Variants in TCERG1L observed in about 807,000 individuals in gnomAD.
TCERG1L encodes transcription elongation regulator 1-like protein.
In TCERG1L, 37 loss-of-function variants were observed where a neutral mutation model predicts 56.3. That is an observed-to-expected ratio of 0.66 (90% CI 0.51 to 0.87). TCERG1L has a LOEUF of 0.87. Ranked by LOEUF, TCERG1L falls within the 40% of genes least tolerant of loss-of-function variation. The probability of loss-of-function intolerance (pLI) is 0.00; values close to 1 mark genes in which losing one functional copy is unlikely to be tolerated. For missense variants in TCERG1L, 799 were observed against 774.2 expected (o/e 1.03, Z -0.38); for synonymous variants, 324 against 326.3 (o/e 0.99, Z 0.08).
Position 131,311,256 on chromosome 10 carries a change from A to G in TCERG1L, c.342+38T>C. 1 of 1,106,694 alleles carries G rather than the reference A, an allele frequency of 9.0e-7. No individual in the cohort carries two copies. The highest frequency in any genetic ancestry group is 4.4e-5 in the South Asian group (1 of 22,804). 68.6% of individuals were successfully genotyped at this position (1,106,694 alleles called of 1,614,324 possible). A position where few individuals can be genotyped will look rare whatever the true frequency, so the allele number is the denominator to read the frequency against. Reference sequence around the variant, plus strand: ...CAGGGCGCGCCCAGGAGCAGGGGAGACGGCGACCCGGGCCGAGGCGGGACG... The same window carrying G: ...CAGGGCGCGCCCAGGAGCAGGGGAGGCGGCGACCCGGGCCGAGGCGGGACG... On this transcript the variant is annotated intron_variant, in intron 1 of 11. Transcript: ENST00000368642. The surrounding 1 kb of genome is among the most constrained non-coding windows in gnomAD (Gnocchi z 4.0).
chr10:131,206,192 G>A (rs1472874217), intron 4 of TCERG1L, among the ~76,000 whole-genome samples: 2 of 152,220 alleles, frequency 1.3e-5, no homozygotes, highest in African/African-American at 4.8e-5. Context: ...TCGGGTGTAC[G>A]CCAAGGTCCG....
intron 3 of TCERG1L, among the ~76,000 whole-genome samples, chr10:131,268,409 G>C (rs778294094): frequency 7.2e-5 from 11 of 152,156 alleles, no homozygotes; most frequent in Non-Finnish European, 1.3e-4. Flanking sequence ...ATTTAGCATC[G>C]TTCTTGAGGG....
intron 2 of TCERG1L, among the ~76,000 whole-genome samples, chr10:131,308,869 G>T (rs1180391341): frequency 1.3e-5 from 2 of 151,946 alleles, no homozygotes; most frequent in African/African-American, 4.8e-5. Context: ...TTTGATCAAT[G>T]GATACAAATT....
Position 131,166,884 on chromosome 10 carries a change from A to G in TCERG1L, c.858T>C (p.Asp286=), listed in dbSNP as rs1461047633. 1 of 1,610,356 alleles carries G rather than the reference A, an allele frequency of 6.2e-7. No individual in the cohort carries two copies. The highest frequency in any genetic ancestry group is 1.1e-5 in the South Asian group (1 of 90,760). Residue 286 remains aspartate (D), a splice_region_variant and synonymous_variant, in exon 5 of 12, where the codon GAT becomes GAC. Transcript: ENST00000368642. ...KIPLRTSPVS[D]TRTERGRVAR... ...CCACTCGGCCCCGCTCTGTCCTTGTATCTGTTGGGCCAAAGCAGTTGTCAT... is the reference window on the plus strand; with the variant it reads ...CCACTCGGCCCCGCTCTGTCCTTGTGTCTGTTGGGCCAAAGCAGTTGTCAT...
At chr10:131,222,610 C>G (rs1845745862) in intron 4 of TCERG1L, among the ~76,000 whole-genome samples, 1 of 152,216 alleles carries the variant, frequency 6.6e-6, no homozygotes, top group African/African-American at 2.4e-5. Context: ...CACCAAGGCT[C>G]CCTGAACTGG....
Position 131,311,118 on chromosome 10 carries a change from A to C in TCERG1L, c.342+176T>G, listed in dbSNP as rs1225417673. 6.6e-6 allele frequency among the ~76,000 whole-genome samples: 1 copy of C among 152,114 alleles called. No individual in the cohort carries two copies. The highest frequency in any genetic ancestry group is 1.5e-5 in the Non-Finnish European group (1 of 68,012). On this transcript the variant is annotated intron_variant, in intron 1 of 11. Transcript: ENST00000368642. This position sits in a 1 kb window ranked among gnomAD's most constrained non-coding sequence, Gnocchi z 4.0. ...TGCGGAGGTGGACGACCGGGCGTCCAAGCACGAACTTTCTCGCCGAGGCAC... is the reference window on the plus strand; with the variant it reads ...TGCGGAGGTGGACGACCGGGCGTCCCAGCACGAACTTTCTCGCCGAGGCAC...
At chr10:131,203,541 C>T (rs561007306) in intron 4 of TCERG1L, among the ~76,000 whole-genome samples, 30 of 152,308 alleles carry the variant, frequency 2.0e-4, no homozygotes, top group Admixed American at 5.9e-4. Context: ...CATGGGAAAA[C>T]GCCCCCGTCA....
intron 4 of TCERG1L, among the ~76,000 whole-genome samples, chr10:131,207,834 G>A (rs74160870): frequency 2.8e-3 from 432 of 152,282 alleles, no homozygotes; most frequent in African/African-American, 9.2e-3. Context: ...CACCGAGTGG[G>A]TCTTAGGAGG....
chr10:131,268,373 C>T (rs1180455159), intron 3 of TCERG1L, among the ~76,000 whole-genome samples: 1 of 152,206 alleles, frequency 6.6e-6, no homozygotes, highest in Admixed American at 6.5e-5. Flanking sequence ...CTTTGCTGTT[C>T]CATTTATAGC....
chr10:131,245,410 ATTTTT>A (rs5789077), intron 4 of TCERG1L, among the ~76,000 whole-genome samples: 7 of 151,514 alleles, frequency 4.6e-5, no homozygotes, highest in African/African-American at 1.2e-4. Flanking sequence ...TAAAATAATA[ATTTTT>A]TTTTTAAAAA....
At chr10:131,128,740 G>A (rs1054384957) in intron 8 of TCERG1L, among the ~76,000 whole-genome samples, 1 of 152,170 alleles carries the variant, frequency 6.6e-6, no homozygotes, top group Non-Finnish European at 1.5e-5. Flanking sequence ...TAAAATGGCA[G>A]AATTAAGAGA....
chr10:131,196,670 C>T (rs1009904613), intron 4 of TCERG1L, among the ~76,000 whole-genome samples: 6 of 152,322 alleles, frequency 3.9e-5, no homozygotes, highest in African/African-American at 4.8e-5. Context: ...CCTGGGGCTG[C>T]GGCCCAGAGT....
intron 4 of TCERG1L, among the ~76,000 whole-genome samples, chr10:131,214,390 C>A (rs1272242050): frequency 6.6e-6 from 1 of 152,222 alleles, no homozygotes; most frequent in Non-Finnish European, 1.5e-5. Flanking sequence ...CTCAGCCACT[C>A]TCACAGCCGT....
At chr10:131,094,043 G>A (rs532444707) in intron 11 of TCERG1L, among the ~76,000 whole-genome samples, 29 of 152,350 alleles carry the variant, frequency 1.9e-4, no homozygotes, top group Admixed American at 9.1e-4. Context: ...AAATGCGAGC[G>A]ACCCAGCCTA....
At chr10:131,257,326 C>T (rs561599591) in intron 4 of TCERG1L, among the ~76,000 whole-genome samples, 14 of 152,304 alleles carry the variant, frequency 9.2e-5, no homozygotes, top group South Asian at 4.2e-4. Flanking sequence ...CCAGCCTTCC[C>T]GCCCGTGCTG....
intron 4 of TCERG1L, among the ~76,000 whole-genome samples, chr10:131,257,228 G>T (rs1239460268): frequency 6.6e-6 from 1 of 152,068 alleles, no homozygotes; most frequent in Non-Finnish European, 1.5e-5. Flanking sequence ...CCCACTGCCT[G>T]GGAGGGGCCA....
intron 3 of TCERG1L, among the ~76,000 whole-genome samples, chr10:131,304,839 T>C (rs1489916175): frequency 6.6e-6 from 1 of 151,978 alleles, no homozygotes; most frequent in African/African-American, 2.4e-5. Flanking sequence ...GGAAGAATGA[T>C]GTAAAGTCCC....
chr10:131,268,958 C>T lies in TCERG1L; in HGVS notation c.671-8514G>A, dbSNP rs766333855. On this transcript the variant is annotated intron_variant, in intron 3 of 11. Coordinates refer to ENST00000368642, the MANE Select transcript of TCERG1L (RefSeq NM_174937.4). ...TTTATCTTTTTATTGTTGTTGTTCA[C>T]TGGAGTAGCACTTTTGATTTCCTTC... Among the ~76,000 whole-genome samples, 9 of 152,348 alleles carry T rather than the reference C, an allele frequency of 5.9e-5. No individual in the cohort carries two copies. The East Asian group carries it at 1.7e-3, about 29-fold the overall frequency.
intron 3 of TCERG1L, among the ~76,000 whole-genome samples, chr10:131,302,627 A>AT (rs559944571): frequency 0.02 from 2,702 of 135,774 alleles, 95 homozygotes; most frequent in African/African-American, 0.058. Context: ...TTTTTTCTCA[A>AT]TTTTTTTTTT....
Sources: allele counts gnomAD v4.1 joint callset (sites outside exome capture counted in the v4.1 genomes callset), GRCh38; gene constraint gnomAD v4.1.1; non-coding constraint Gnocchi (gnomAD v3.1); transcripts MANE v1.5; gene names NCBI Gene and HGNC (gene_info 2026-07-23, HGNC 2026-07-21).